The following FUT9 variants were observed in gnomAD, a reference collection of about 807,000 sequenced individuals.
The protein encoded by FUT9 is fucosyltransferase 9.
Under a neutral mutation model 29.7 loss-of-function variants are expected in FUT9, and 15 were observed. That is an observed-to-expected ratio of 0.51 (90% CI 0.34 to 0.78). The LOEUF is 0.78. Among genes scored for constraint, FUT9 ranks in the 30% least tolerant of loss-of-function variants. The pLI is 0.01. For synonymous variants in FUT9, 169 were observed against 153.7 expected, an observed-to-expected ratio of 1.10 and a Z score of -0.74; for missense variants, 319 against 425.4, an observed-to-expected ratio of 0.75 and a Z score of 2.20.
intron 2 of FUT9, among the ~76,000 whole-genome samples, chr6:96,191,804 T>A (rs2127988855): frequency 6.6e-6 from 1 of 152,068 alleles, no homozygotes. Context: ...AAATCCTCAA[T>A]AAAATACTGG....
In FUT9 at chr6:96,213,325, A is replaced by G. The variant is rs1025370089; in HGVS notation, c.*9090A>G. 1 of 166,862 alleles carries G rather than the reference A, an allele frequency of 6.0e-6. No homozygotes were observed. Among genetic ancestry groups the G allele is most frequent in the Non-Finnish European group, 1.5e-5 (1 of 68,020 alleles). The allele number at this position is 166,862 out of a possible 1,614,324, so 10.3% of individuals were successfully genotyped here. A position where few individuals can be genotyped will look rare whatever the true frequency, so the allele number is the denominator to read the frequency against. On this transcript the variant is annotated 3_prime_UTR_variant, in exon 3 of 3. Coordinates refer to ENST00000302103, the MANE Select transcript of FUT9 (RefSeq NM_006581.4). ...GCCAATATCTTTTTTATGTAGTTCAAGTATAACTTTGAATAAAATGACTTA... is the reference window on the plus strand; with the variant it reads ...GCCAATATCTTTTTTATGTAGTTCAGGTATAACTTTGAATAAAATGACTTA...
At chr6:96,027,439 T>G (rs1043437260) in intron 1 of FUT9, among the ~76,000 whole-genome samples, 1 of 151,602 alleles carries the variant, frequency 6.6e-6, no homozygotes, top group African/African-American at 2.4e-5. Flanking sequence ...TTGTCATAGT[T>G]TTTTTCTCTC....
chr6:96,029,728 G>A (rs1316669131), intron 1 of FUT9, among the ~76,000 whole-genome samples: 1 of 151,550 alleles, frequency 6.6e-6, no homozygotes, highest in Non-Finnish European at 1.5e-5. Flanking sequence ...AACAAAACCA[G>A]ACTTAGGGAT....
chr6:96,164,261 T>C lies in FUT9; in HGVS notation c.-8-38887T>C, dbSNP rs1442975751. ...TTTTGGAGATCCAGGTTCTTTTTTT[T>C]TTTTTTTTTTTTTGAGACGGAGTCT... On this transcript the variant is annotated intron_variant, in intron 2 of 2. Transcript: ENST00000302103. Among the ~76,000 whole-genome samples the C allele has an allele frequency of 9.5e-3, 1,388 of 145,928 alleles. 26 individuals are homozygous for C. Among genetic ancestry groups the C allele is most frequent in the African/African-American group, 0.034 (1,331 of 39,576 alleles).
intron 2 of FUT9, among the ~76,000 whole-genome samples, chr6:96,139,425 T>C (rs964374650): frequency 7.9e-5 from 12 of 152,140 alleles, no homozygotes; most frequent in African/African-American, 2.9e-4. Context: ...AGCCACATGG[T>C]GCAAGCTGTT....
At chr6:96,042,425 A>T (rs906418317) in intron 1 of FUT9, among the ~76,000 whole-genome samples, 8 of 152,186 alleles carry the variant, frequency 5.3e-5, no homozygotes, top group Non-Finnish European at 1.2e-4. Flanking sequence ...GGAGAATTTA[A>T]AAGAATTTAA....
intron 2 of FUT9, among the ~76,000 whole-genome samples, chr6:96,171,845 C>A (rs1472336233): frequency 1.3e-5 from 2 of 152,132 alleles, no homozygotes; most frequent in Non-Finnish European, 2.9e-5. Flanking sequence ...TGTCCTGAAA[C>A]ACCATCCTAC....
intron 1 of FUT9, among the ~76,000 whole-genome samples, chr6:96,080,193 T>C (rs1771211591): frequency 6.8e-6 from 1 of 147,846 alleles, no homozygotes; most frequent in Admixed American, 7.0e-5. Flanking sequence ...TCTCAGTAGT[T>C]CTCACAAATA....
intron 2 of FUT9, among the ~76,000 whole-genome samples, chr6:96,114,472 T>C (rs913203994): frequency 3.3e-5 from 5 of 152,000 alleles, no homozygotes; most frequent in African/African-American, 1.2e-4. Flanking sequence ...TGGAAAATTT[T>C]ATGTTCTCAA....
chr6:96,159,904 T>G (rs1562146827), intron 2 of FUT9, among the ~76,000 whole-genome samples: 1 of 152,196 alleles, frequency 6.6e-6, no homozygotes, highest in Non-Finnish European at 1.5e-5. Flanking sequence ...CTTTTAGTTA[T>G]GGCCACAGCT....
intron 1 of FUT9, among the ~76,000 whole-genome samples, chr6:96,044,009 A>G (rs1274264818): frequency 1.3e-5 from 2 of 152,186 alleles, no homozygotes; most frequent in Non-Finnish European, 2.9e-5. Context: ...CACACTTTCA[A>G]AAGTAATGCT....
intron 1 of FUT9, among the ~76,000 whole-genome samples, chr6:96,089,549 T>C (rs1270487111): frequency 2.6e-5 from 4 of 152,218 alleles, no homozygotes; most frequent in Admixed American, 2.6e-4. Flanking sequence ...AGCTAGAAGG[T>C]AGATCTGATC....
chr6:96,205,017 A>G lies in FUT9; in HGVS notation c.*782A>G, dbSNP rs1335795545. 1 of 164,922 alleles carries G rather than the reference A, an allele frequency of 6.1e-6. No individual in the cohort carries two copies. The highest frequency in any genetic ancestry group is 2.4e-5 in the African/African-American group (1 of 41,452). 10.2% of individuals were successfully genotyped at this position (164,922 alleles called of 1,614,324 possible). A position where few individuals can be genotyped will look rare whatever the true frequency, so the allele number is the denominator to read the frequency against. ...GTTCTTTCTGCTACTGATGACACTC[A>G]TTGTCATAATAAAACAAATAATTTC... On this transcript the variant is annotated 3_prime_UTR_variant, in exon 3 of 3. Coordinates refer to ENST00000302103, the MANE Select transcript of FUT9 (RefSeq NM_006581.4).
chr6:96,113,715 G>A (rs62417683), intron 1 of FUT9, among the ~76,000 whole-genome samples: 25,901 of 151,512 alleles, frequency 0.17, 2,422 homozygotes, highest in Non-Finnish European at 0.19. Context: ...TTAGCCGGGC[G>A]TGGTGGCGGG....
At chr6:96,178,320 T>C (rs1355165394) in intron 2 of FUT9, among the ~76,000 whole-genome samples, 2 of 152,176 alleles carry the variant, frequency 1.3e-5, no homozygotes, top group African/African-American at 4.8e-5. Context: ...TATTTCCTCA[T>C]TTTATGAAAA....
At chr6:96,033,477 C>T (rs1328330427) in intron 1 of FUT9, among the ~76,000 whole-genome samples, 1 of 151,536 alleles carries the variant, frequency 6.6e-6, no homozygotes, top group African/African-American at 2.4e-5. Flanking sequence ...GGAAATGACT[C>T]CACATTCAAT....
At chr6:96,042,001 C>T (rs916031734) in intron 1 of FUT9, among the ~76,000 whole-genome samples, 1 of 152,100 alleles carries the variant, frequency 6.6e-6, no homozygotes, top group Non-Finnish European at 1.5e-5. Context: ...TCAAATTGTA[C>T]CAATGTTATT....
chr6:96,059,664 G>C (rs1770838210), intron 1 of FUT9, among the ~76,000 whole-genome samples: 1 of 152,092 alleles, frequency 6.6e-6, no homozygotes, highest in African/African-American at 2.4e-5. Context: ...TTTCTAACTG[G>C]TGTTACCTTG....
intron 2 of FUT9, among the ~76,000 whole-genome samples, chr6:96,188,766 T>C (rs1773451309): frequency 6.6e-6 from 1 of 151,082 alleles, no homozygotes; most frequent in South Asian, 2.1e-4. Context: ...TTCCTGAAAA[T>C]TAAATGGTAA....
Sources: gnomAD v4.1 joint callset for allele counts (sites outside exome capture counted in the v4.1 genomes callset) on GRCh38, gnomAD v4.1.1 for gene constraint, MANE v1.5 for transcripts, NCBI Gene and HGNC (gene_info 2026-07-23, HGNC 2026-07-21) for gene names.